LBX2: variants seen among roughly 807,000 people sequenced by gnomAD.
LBX2 encodes the protein transcription factor LBX2.
Under a neutral mutation model 7.5 loss-of-function variants are expected in LBX2, and 6 were observed. The observed-to-expected ratio is 0.80, with a 90% CI of 0.44 to 1.59. The LOEUF (loss-of-function observed/expected upper bound fraction) is 1.59. Ranked by LOEUF, LBX2 falls within the 40% of genes most tolerant of loss-of-function variation. The pLI is 0.01. For synonymous variants in LBX2, 143 were observed against 133.2 expected, an observed-to-expected ratio of 1.07 and a Z score of -0.51; for missense variants, 281 against 282.0, an observed-to-expected ratio of 1.00 and a Z score of 0.03.
upstream of LBX2, chr2:74,502,637 G>A: frequency 6.2e-7 from 1 of 1,607,296 alleles, no homozygotes; most frequent in Non-Finnish European, 8.5e-7. This position sits in a 1 kb window ranked among gnomAD's most constrained non-coding sequence, Gnocchi z 5.4. Flanking sequence ...ACTGCGGAGT[G>A]AACCGGTCCT....
At chr2:74,498,676 T>G (rs1674414683) in intron 1 of LBX2, 1 of 291,158 alleles carries the variant, frequency 3.4e-6, no homozygotes, top group South Asian at 7.9e-5. Context: ...GAGGGTGACA[T>G]CAGAGGCGAG....
chr2:74,499,369 G>A lies in LBX2; in HGVS notation c.169C>T (p.Arg57Cys), dbSNP rs114058045. 6.6e-4 allele frequency: 1,026 copies of A among 1,550,626 alleles called. 7 individuals are homozygous for A. The African/African-American group carries it at 0.013, about 19-fold the overall frequency. Residue 57 changes from arginine to cysteine, a missense_variant, in exon 1 of 2, where the codon CGC becomes TGC. Physicochemically the swap from Arg to Cys is radical, Grantham distance 180 (BLOSUM62 -3). Transcript: ENST00000377566. The surrounding 1 kb of genome is among the most constrained non-coding windows in gnomAD (Gnocchi z 4.6). ...ALEELTSKTFRGLDARALQPS... is the reference protein window; with the variant it reads ...ALEELTSKTFCGLDARALQPS... ...TGCAGAGCGCGCGCGTCAAGTCCGC[G>A]GAAAGTTTTACTAGTCAGCTCCTCC...
At position 74,498,245 on chromosome 2, in the gene LBX2, G is replaced by C. The variant is rs1407681694; in HGVS notation, c.279C>G (p.Thr93=). The change falls in exon 2 of 2, where the codon ACC becomes ACG. Residue 93 remains threonine (T), a synonymous_variant. Coordinates refer to ENST00000377566, the MANE Select transcript of LBX2 (RefSeq NM_001282430.2). ...GCTCCAGCTCCAGCACCTGTTGCGC[G>C]GTGAACGCAGTGCGTGACTTGCGCC... is the stretch of plus-strand genomic sequence containing the variant. ...RKRRKSRTAF[T]AQQVLELERR... The C allele has an allele frequency of 6.2e-7, 1 of 1,603,292 alleles. No individual in the cohort carries two copies. Among genetic ancestry groups the C allele is most frequent in the Non-Finnish European group, 8.5e-7 (1 of 1,177,822 alleles).
rs949928253 is a variant in LBX2 at position 74,498,247 on chromosome 2, T to C, written c.277A>G (p.Thr93Ala). The C allele has an allele frequency of 6.2e-7, 1 of 1,602,562 alleles. No individual in the cohort carries two copies. ...TCCAGCTCCAGCACCTGTTGCGCGGTGAACGCAGTGCGTGACTTGCGCCGT... is the reference window on the plus strand; with the variant it reads ...TCCAGCTCCAGCACCTGTTGCGCGGCGAACGCAGTGCGTGACTTGCGCCGT... ...RKRRKSRTAFTAQQVLELERR... is the reference protein window; with the variant it reads ...RKRRKSRTAFAAQQVLELERR... The change falls in exon 2 of 2, where the codon ACC becomes GCC. Residue 93 changes from threonine to alanine, a missense_variant. By Grantham distance (58) the Thr-to-Ala change is moderately conservative. This residue lies in a region of LBX2 where 216 missense variants were observed against 208.7 expected (regional missense o/e 1.03). Coordinates refer to ENST00000377566, the MANE Select transcript of LBX2 (RefSeq NM_001282430.2).
upstream of LBX2, chr2:74,502,890 A>G (rs764867316): frequency 3.8e-6 from 6 of 1,567,782 alleles, no homozygotes; most frequent in Admixed American, 3.5e-5. The surrounding 1 kb of genome is among the most constrained non-coding windows in gnomAD (Gnocchi z 5.4). Flanking sequence ...CCAGGCTGAG[A>G]GAGGGACCCG....
At chr2:74,500,059 C>T (rs969942753), upstream of LBX2, among the ~76,000 whole-genome samples, 1 of 152,134 alleles carries the variant, frequency 6.6e-6, no homozygotes. Flanking sequence ...CTCCCTCTTC[C>T]CCACCCCACC....
chr2:74,500,518 G>A (rs1364890740), upstream of LBX2, among the ~76,000 whole-genome samples: 1 of 152,206 alleles, frequency 6.6e-6, no homozygotes, highest in Non-Finnish European at 1.5e-5. Flanking sequence ...TTGAAGGGCA[G>A]ACTTCACGGA....
At chr2:74,502,846 G>A (rs1486094331), upstream of LBX2, 1 of 1,603,260 alleles carries the variant, frequency 6.2e-7, no homozygotes, top group Admixed American at 1.7e-5. The surrounding 1 kb of genome is among the most constrained non-coding windows in gnomAD (Gnocchi z 5.4). Flanking sequence ...TTCTAGGGAA[G>A]TCCTTTTTCC....
Position 74,497,979 on chromosome 2 carries a change from C to T in LBX2, c.545G>A (p.Gly182Asp), listed in dbSNP as rs1316046171. Residue 182 changes from glycine to aspartate, a missense_variant, in exon 2 of 2, where the codon GGC (glycine) becomes GAC (aspartate). This residue lies in a region of LBX2 where 59 missense variants were observed against 52.9 expected (regional missense o/e 1.11). Coordinates refer to ENST00000377566, the MANE Select transcript of LBX2 (RefSeq NM_001282430.2). ...TGACAGGTGGGGCCGGGAGTCAGGG[C>T]CGGCAGGGCCGAGGCAGAGGCCGGG... is the stretch of plus-strand genomic sequence containing the variant. ...PDPGLCLGPAGPDSRPHLSDE... is the reference protein window; with the variant it reads ...PDPGLCLGPADPDSRPHLSDE... 1.9e-6 allele frequency: 3 copies of T among 1,604,052 alleles called. No homozygotes were observed. Among genetic ancestry groups the T allele is most frequent in the Non-Finnish European group, 2.6e-6 (3 of 1,173,474 alleles).
upstream of LBX2, chr2:74,502,559 G>T: frequency 8.9e-7 from 1 of 1,126,984 alleles, no homozygotes; most frequent in Non-Finnish European, 1.3e-6. This position sits in a 1 kb window ranked among gnomAD's most constrained non-coding sequence, Gnocchi z 5.4. Context: ...TCCAGGCGGA[G>T]GAGCGTGAGG....
At position 74,498,074 on chromosome 2, in the gene LBX2, G is replaced by T. The variant is rs1026538638; in HGVS notation, c.450C>A (p.Asp150Glu). The T allele has an allele frequency of 6.2e-7, 1 of 1,613,348 alleles. No individual in the cohort carries two copies. Among genetic ancestry groups the T allele is most frequent in the African/African-American group, 1.3e-5 (1 of 74,952 alleles). The change falls in exon 2 of 2, where the codon GAC (aspartate) becomes GAA (glutamate). Residue 150 changes from aspartate (D) to glutamate (E), a missense_variant. By Grantham distance (45) the Asp-to-Glu change is conservative. Transcript: ENST00000377566. ...LKRDVEEMRADVASLRALSPE... is the reference protein window; with the variant it reads ...LKRDVEEMRAEVASLRALSPE... ...GGGACAACGCGCGTAGCGAGGCGAC[G>T]TCGGCGCGCATCTCCTCCACATCGC...
In LBX2 at chr2:74,497,793, G is replaced by A; in HGVS notation, c.*134C>T. 3 of 958,418 alleles carry A rather than the reference G, an allele frequency of 3.1e-6. No individual in the cohort carries two copies. Among genetic ancestry groups the A allele is most frequent in the Admixed American group, 3.4e-5 (1 of 29,244 alleles). 59.4% of individuals were successfully genotyped at this position (958,418 alleles called of 1,614,324 possible). On this transcript the variant is annotated 3_prime_UTR_variant, in exon 2 of 2. Transcript: ENST00000377566. ...ACAAACTTACAAAAAAACCGGGAAA[G>A]GTGAGCGTCTGGACTGTGGGCCGGA... is the stretch of plus-strand genomic sequence containing the variant.
chr2:74,502,763 G>C (rs144078336), upstream of LBX2: 2,029 of 1,614,088 alleles, frequency 1.3e-3, 4 homozygotes, highest in Middle Eastern at 5.4e-3. This position sits in a 1 kb window ranked among gnomAD's most constrained non-coding sequence, Gnocchi z 5.4. Context: ...CGTGCGGGCC[G>C]GGAAGCAGCC....
chr2:74,500,932 G>A (rs771161994), upstream of LBX2, among the ~76,000 whole-genome samples: 7 of 152,140 alleles, frequency 4.6e-5, no homozygotes, highest in Non-Finnish European at 1.0e-4. Context: ...CACTTTCCTT[G>A]TAGACCCCTG....
upstream of LBX2, chr2:74,502,557 G>T: frequency 9.0e-7 from 1 of 1,109,210 alleles, no homozygotes; most frequent in Non-Finnish European, 1.3e-6. The surrounding 1 kb of genome is among the most constrained non-coding windows in gnomAD (Gnocchi z 5.4). Flanking sequence ...AGTCCAGGCG[G>T]AGGAGCGTGA....
chr2:74,502,692 G>A (rs1190784451), upstream of LBX2: 2 of 1,614,010 alleles, frequency 1.2e-6, no homozygotes, highest in Admixed American at 1.7e-5. This position sits in a 1 kb window ranked among gnomAD's most constrained non-coding sequence, Gnocchi z 5.4. Flanking sequence ...CCTGTGAGTT[G>A]TTTTCCGCCC....
At position 74,499,322 on chromosome 2, in the gene LBX2, C is replaced by T. The variant is rs1044538746; in HGVS notation, c.205+11G>A. 3.2e-6 allele frequency: 5 copies of T among 1,548,580 alleles called. No individual in the cohort carries two copies. Among genetic ancestry groups the T allele is most frequent in the Non-Finnish European group, 3.5e-6 (4 of 1,145,362 alleles). On this transcript the variant is annotated intron_variant, in intron 1 of 1. Transcript: ENST00000377566. The surrounding 1 kb of genome is among the most constrained non-coding windows in gnomAD (Gnocchi z 4.6). Reference sequence around the variant, plus strand: ...GCTAAGTCAGAGTCCGCGACCTTGCCGGCTCTATACCTTCAGAGGGCTGCA... The same window carrying T: ...GCTAAGTCAGAGTCCGCGACCTTGCTGGCTCTATACCTTCAGAGGGCTGCA...
intron 1 of LBX2, 85 bp from the exon 2 acceptor site, chr2:74,498,403 G>A: frequency 1.8e-6 from 2 of 1,084,118 alleles, no homozygotes; most frequent in Non-Finnish European, 2.6e-6. Flanking sequence ...GGGTCGGGCC[G>A]GTGGCGGTGG....
upstream of LBX2, chr2:74,503,133 C>G (rs533153560): frequency 5.0e-4 from 206 of 416,134 alleles, no homozygotes; most frequent in Non-Finnish European, 8.0e-4. This position sits in a 1 kb window ranked among gnomAD's most constrained non-coding sequence, Gnocchi z 5.1. Flanking sequence ...GCGCCGCGTC[C>G]GGGCGCGTTC....
Sources: gnomAD v4.1 joint callset for allele counts (sites outside exome capture counted in the v4.1 genomes callset) on GRCh38, gnomAD v4.1.1 for gene constraint, gnomAD v4.1.1 regional missense constraint, Gnocchi (gnomAD v3.1) non-coding constraint, MANE v1.5 for transcripts, NCBI Gene and HGNC (gene_info 2026-07-23, HGNC 2026-07-21) for gene names.